The following NR4A3 variants were observed in gnomAD, a reference collection of about 807,000 sequenced individuals.
NR4A3 encodes chondrosarcoma, extraskeletal myxoid, fused to EWS.
Under a neutral mutation model 55.6 loss-of-function variants are expected in NR4A3, and 13 were observed. The observed-to-expected ratio is 0.23, with a 90% confidence interval of 0.15 to 0.37. NR4A3 has a LOEUF of 0.37. NR4A3 is among the 10% of genes least tolerant of loss of function. The pLI is 1.00. For synonymous variants in NR4A3, 342 were observed against 357.9 expected, an observed-to-expected ratio of 0.96 and a Z score of 0.50; for missense variants, 646 against 822.8, an observed-to-expected ratio of 0.79 and a Z score of 2.63.
At chr9:99,829,090 G>GA in intron 3 of NR4A3, 97 bp downstream of exon 3, 3 of 1,225,278 alleles carry the variant, frequency 2.4e-6, no homozygotes, top group Non-Finnish European at 3.1e-6. Flanking sequence ...CCCGGTTTGA[G>GA]AGCTGTAATC....
intron 5 of NR4A3, among the ~76,000 whole-genome samples, chr9:99,836,774 G>T (rs1044990957): frequency 2.2e-4 from 34 of 152,096 alleles, no homozygotes; most frequent in Admixed American, 1.3e-4. Context: ...TAGCTTTTTG[G>T]GGAACCCCCA....
chr9:99,840,720 A>C (rs1054805910), intron 5 of NR4A3, among the ~76,000 whole-genome samples: 3 of 152,156 alleles, frequency 2.0e-5, no homozygotes, highest in African/African-American at 7.2e-5. Context: ...AGCCTGGATG[A>C]GGACCCCATG....
At chr9:99,839,031 G>A (rs576588401) in intron 5 of NR4A3, among the ~76,000 whole-genome samples, 85 of 152,348 alleles carry the variant, frequency 5.6e-4, no homozygotes, top group African/African-American at 1.9e-3. Flanking sequence ...CAATGGACAC[G>A]TTGCTGAACA....
chr9:99,865,873 G>C lies in NR4A3; in HGVS notation c.*2006G>C, dbSNP rs531295471. 4.6e-6 allele frequency: 1 copy of C among 215,142 alleles called. No homozygotes were observed. The highest frequency in any genetic ancestry group is 9.4e-6 in the Non-Finnish European group (1 of 106,322). 13.3% of individuals were successfully genotyped at this position (215,142 alleles called of 1,614,324 possible). ...ACCTGGAATGTTAGGATTTTGAAATGTTAGACTTGGAAGGGGCCTGGTCTG... is the reference window on the plus strand; with the variant it reads ...ACCTGGAATGTTAGGATTTTGAAATCTTAGACTTGGAAGGGGCCTGGTCTG... On this transcript the variant is annotated 3_prime_UTR_variant, in exon 8 of 8. Transcript: ENST00000395097. This position sits in a 1 kb window ranked among gnomAD's most constrained non-coding sequence, Gnocchi z 4.3.
chr9:99,853,277 C>G (rs1243039007), intron 7 of NR4A3, among the ~76,000 whole-genome samples: 9 of 150,622 alleles, frequency 6.0e-5, no homozygotes. Context: ...TAAAAGTGTT[C>G]ATGCATCCCT....
rs536842627 is a variant in NR4A3 at position 99,845,102 on chromosome 9, A to G, written c.1454+254A>G. Among the ~76,000 whole-genome samples the G allele has an allele frequency of 1.0e-3, 154 of 152,318 alleles. 6 individuals carry two copies. In the South Asian group the frequency reaches 0.031, roughly 30 times the overall value. ...GGTCACTTGCCTGACGGGAAGTTCA[A>G]TTCCATCCTCCTTAAAAGGAAGAGG... On this transcript the variant is annotated intron_variant, in intron 6 of 7. Transcript: ENST00000395097.
chr9:99,864,101 G>T lies in NR4A3; in HGVS notation c.*234G>T. On this transcript the variant is annotated 3_prime_UTR_variant, in exon 8 of 8. Transcript: ENST00000395097. Reference sequence around the variant, plus strand: ...TTATATTTAGGCATTGGGGGATGGGGTGGGAGGGGGTTATAGTTCATGAGG... The same window carrying T: ...TTATATTTAGGCATTGGGGGATGGGTTGGGAGGGGGTTATAGTTCATGAGG... The T allele has an allele frequency of 4.8e-6, 2 of 419,412 alleles. No homozygotes were observed. The highest frequency in any genetic ancestry group is 8.6e-6 in the Non-Finnish European group (2 of 232,216). The allele number at this position is 419,412 out of a possible 1,614,324, so 26.0% of individuals were successfully genotyped here.
At chr9:99,834,947 T>G in intron 5 of NR4A3, 2 of 984,516 alleles carry the variant, frequency 2.0e-6, no homozygotes, top group Non-Finnish European at 2.4e-6. Context: ...GTTAACAGTT[T>G]AGGCTTCTTT....
intron 1 of NR4A3, among the ~76,000 whole-genome samples, chr9:99,823,162 C>T (rs1423495242): frequency 6.6e-6 from 1 of 152,112 alleles, no homozygotes; most frequent in Non-Finnish European, 1.5e-5. Context: ...TGGACGTTGG[C>T]TCGGTGTGGG....
At position 99,844,673 on chromosome 9, in the gene NR4A3, G is replaced by A. The variant is rs1226773769; in HGVS notation, c.1279G>A (p.Ala427Thr). Residue 427 changes from alanine (A) to threonine (T), a missense_variant, in exon 6 of 8, where the codon GCA becomes ACA. Ala to Thr is a moderately conservative substitution (Grantham distance 58). Coordinates refer to ENST00000395097, the MANE Select transcript of NR4A3 (RefSeq NM_006981.4). Reference protein sequence around the residue: ...SRYCPTDQAAAGTDAEHVQQF... With the variant: ...SRYCPTDQAATGTDAEHVQQF... ...GTACTGTCCCACTGACCAGGCTGCT[G>A]CAGGCACAGATGCTGAGCATGTGCA... 2 of 1,614,054 alleles carry A rather than the reference G, an allele frequency of 1.2e-6. No individual in the cohort carries two copies. The highest frequency in any genetic ancestry group is 1.3e-5 in the African/African-American group (1 of 74,914).
chr9:99,846,228 G>A (rs1461060808), intron 6 of NR4A3, among the ~76,000 whole-genome samples: 1 of 152,206 alleles, frequency 6.6e-6, no homozygotes, highest in Non-Finnish European at 1.5e-5. Flanking sequence ...ATTAAAGGAA[G>A]AACCACATAT....
chr9:99,823,889 A>C (rs1827235458), intron 1 of NR4A3, among the ~76,000 whole-genome samples: 1 of 149,434 alleles, frequency 6.7e-6, no homozygotes, highest in South Asian at 2.2e-4. Context: ...CCCCCGCCCA[A>C]CCTCCGCCCC....
At chr9:99,856,472 C>T (rs1477649506) in intron 7 of NR4A3, among the ~76,000 whole-genome samples, 1 of 152,162 alleles carries the variant, frequency 6.6e-6, no homozygotes, top group East Asian at 1.9e-4. Flanking sequence ...GCCTGCCGCT[C>T]ACCTCCTGTT....
At chr9:99,858,948 G>T (rs1827969207) in intron 7 of NR4A3, among the ~76,000 whole-genome samples, 1 of 152,176 alleles carries the variant, frequency 6.6e-6, no homozygotes, top group African/African-American at 2.4e-5. Flanking sequence ...ATGGTAGCTT[G>T]TAGTAGAGAT....
intron 1 of NR4A3, among the ~76,000 whole-genome samples, chr9:99,823,995 G>A (rs1376691348): frequency 6.6e-6 from 1 of 152,134 alleles, no homozygotes. Flanking sequence ...AGGGGAACAC[G>A]GGGGTGTTCC....
chr9:99,833,113 C>T (rs930616597), intron 4 of NR4A3, among the ~76,000 whole-genome samples, 169 bp from the exon 5 acceptor site: 1 of 152,190 alleles, frequency 6.6e-6, no homozygotes, highest in Non-Finnish European at 1.5e-5. Flanking sequence ...CTTGTTTCAA[C>T]TCTCATGAAA....
Position 99,841,903 on chromosome 9 carries a change from G to A in NR4A3, c.1255-2746G>A, listed in dbSNP as rs543729509. ...GAGGATCGCCTCAGCTGGGGAAGTC[G>A]AGGCTGTAGTGAGCCCTGATCACAC... On this transcript the variant is annotated intron_variant, in intron 5 of 7. Coordinates refer to ENST00000395097, the MANE Select transcript of NR4A3 (RefSeq NM_006981.4). 7.2e-5 allele frequency among the ~76,000 whole-genome samples: 11 copies of A among 152,274 alleles called. No individual in the cohort carries two copies. The East Asian group carries it at 7.7e-4, about 11-fold the overall frequency.
intron 5 of NR4A3, among the ~76,000 whole-genome samples, chr9:99,843,681 AT>A (rs58875910): frequency 0.41 from 62,198 of 149,964 alleles, 13,371 homozygotes; most frequent in Middle Eastern, 0.48. Context: ...TACAAAAAAA[AT>A]TTTTTTTTGA....
At chr9:99,856,880 G>A (rs1347094120) in intron 7 of NR4A3, among the ~76,000 whole-genome samples, 1 of 152,144 alleles carries the variant, frequency 6.6e-6, no homozygotes, top group Non-Finnish European at 1.5e-5. Flanking sequence ...TAAGTATCTA[G>A]GAATAAGGGA....
Sources: allele counts gnomAD v4.1 joint callset (sites outside exome capture counted in the v4.1 genomes callset), GRCh38; gene constraint gnomAD v4.1.1; non-coding constraint Gnocchi (gnomAD v3.1); transcripts MANE v1.5; gene names NCBI Gene and HGNC (gene_info 2026-07-23, HGNC 2026-07-21).